The following RIC3 variants were observed in gnomAD, a reference collection of about 807,000 sequenced individuals.
The protein encoded by RIC3 is protein RIC-3.
RIC3 carries 28 observed loss-of-function variants against 27.3 expected under a neutral mutation model. The ratio of observed to expected loss-of-function variants is 1.02; its 90% confidence interval spans 0.76 to 1.41. The LOEUF (loss-of-function observed/expected upper bound fraction) is 1.41. Among genes scored for constraint, RIC3 ranks in the 40% most tolerant of loss-of-function variants. The pLI is 0.00. For missense variants in RIC3, 501 were observed against 444.7 expected (o/e 1.13, Z -1.14); for synonymous variants, 184 against 160.4 (o/e 1.15, Z -1.11).
chr11:8,160,810 G>T (rs1322623653), intron 1 of RIC3, among the ~76,000 whole-genome samples: 3 of 152,230 alleles, frequency 2.0e-5, no homozygotes, highest in Admixed American at 6.5e-5. Flanking sequence ...TTGCACCTAG[G>T]TCATACCAGG....
Position 8,110,589 on chromosome 11 carries a change from G to A in RIC3, c.*109C>T, listed in dbSNP as rs1275655677. ...TCCATGATAGTGGCCTGATAGCTAT[G>A]ACACTTGAACACAGTGAAGAAAGTG... On this transcript the variant is annotated 3_prime_UTR_variant, in exon 6 of 6. Transcript: ENST00000309737. 2.1e-6 allele frequency: 2 copies of A among 959,024 alleles called. No homozygotes were observed. The highest frequency in any genetic ancestry group is 1.6e-5 in the African/African-American group (1 of 62,626). The allele number at this position is 959,024 out of a possible 1,614,324, so 59.4% of individuals were successfully genotyped here.
downstream of RIC3, among the ~76,000 whole-genome samples, chr11:8,101,304 T>C (rs1386777517): frequency 6.6e-6 from 1 of 151,954 alleles, no homozygotes; most frequent in African/African-American, 2.4e-5. Context: ...CTTTGCCATC[T>C]GCCACCTCTT....
chr11:8,133,036 G>A (rs1947923939), intron 4 of RIC3, among the ~76,000 whole-genome samples: 1 of 152,104 alleles, frequency 6.6e-6, no homozygotes, highest in South Asian at 2.1e-4. Context: ...TTAAGAGGTG[G>A]CACCTTTATG....
chr11:8,107,171 T>A lies in RIC3; in HGVS notation c.*3527A>T, dbSNP rs1590033231. On this transcript the variant is annotated 3_prime_UTR_variant, in exon 6 of 6. Coordinates refer to ENST00000309737, the MANE Select transcript of RIC3 (RefSeq NM_001206671.4). ...TCAATGGTCAAGGCAAAGTCATAAA[T>A]GTGTTCATGTTTTTTCTCAATATTG... The A allele has an allele frequency of 6.6e-6, 1 of 152,216 alleles. No homozygotes were observed. Among genetic ancestry groups the A allele is most frequent in the Non-Finnish European group, 1.5e-5 (1 of 68,034 alleles). The allele number at this position is 152,216 out of a possible 1,614,324, so 9.4% of individuals were successfully genotyped here.
At chr11:8,097,951 C>T in the RIC3 span, 47 of 715,978 alleles carry the variant, frequency 6.6e-5, no homozygotes, top group East Asian at 1.2e-3. Flanking sequence ...CCAGGATCCT[C>T]TCTGATAATC....
rs1944678928 is a variant in RIC3 at position 8,106,534 on chromosome 11, G to C, written c.*4164C>G. 1 of 152,312 alleles carries C rather than the reference G, an allele frequency of 6.6e-6. No individual in the cohort carries two copies. Among genetic ancestry groups the C allele is most frequent in the East Asian group, 1.9e-4 (1 of 5,202 alleles). The allele number at this position is 152,312 out of a possible 1,614,324, so 9.4% of individuals were successfully genotyped here. A position where few individuals can be genotyped will look rare whatever the true frequency, so the allele number is the denominator to read the frequency against. ...CAGGGTCTGCTGTGCCGCCTGAAGG[G>C]GCTGGTGGTTCCTCAGTATCCCCTG... On this transcript the variant is annotated 3_prime_UTR_variant, in exon 6 of 6. Transcript: ENST00000309737.
chr11:8,150,048 A>C (rs1000767589), intron 1 of RIC3, among the ~76,000 whole-genome samples: 2 of 152,180 alleles, frequency 1.3e-5, no homozygotes, highest in Non-Finnish European at 2.9e-5. Context: ...TGTGTGTATA[A>C]GACCCATGAA....
chr11:8,095,774 T>G, the RIC3 span: 2 of 1,235,532 alleles, frequency 1.6e-6, no homozygotes, highest in Non-Finnish European at 2.2e-6. Context: ...TCCCTGGCAA[T>G]GGTGGGTGAG....
the RIC3 span, chr11:8,094,185 C>T: frequency 6.2e-7 from 1 of 1,611,502 alleles, no homozygotes; most frequent in Non-Finnish European, 8.5e-7. Context: ...AGGGAAAGCA[C>T]AAAGGTCAGC....
intron 1 of RIC3, among the ~76,000 whole-genome samples, chr11:8,140,642 A>C (rs903654512): frequency 7.9e-5 from 12 of 152,162 alleles, no homozygotes; most frequent in Non-Finnish European, 1.6e-4. Flanking sequence ...CTGATTCCTA[A>C]ATAATTATGT....
chr11:8,125,721 T>G (rs530987262), intron 5 of RIC3, among the ~76,000 whole-genome samples: 1 of 152,300 alleles, frequency 6.6e-6, no homozygotes, highest in South Asian at 2.1e-4. Context: ...GAAAGCAGGT[T>G]GACAGTTTCT....
chr11:8,126,212 G>C (rs1430141149), intron 5 of RIC3, among the ~76,000 whole-genome samples: 4 of 152,076 alleles, frequency 2.6e-5, no homozygotes, highest in African/African-American at 9.7e-5. Context: ...TCCTCAACTG[G>C]TGAATGGACA....
At chr11:8,148,798 A>G (rs1949962276) in intron 1 of RIC3, among the ~76,000 whole-genome samples, 1 of 152,130 alleles carries the variant, frequency 6.6e-6, no homozygotes, top group South Asian at 2.1e-4. Context: ...AAATAACAGC[A>G]GCAGCAGCAG....
At chr11:8,111,288 T>TTTTACTTGAGCAAATTCTTAGCA in intron 5 of RIC3, 151 bp from the exon 6 acceptor site, 1 of 638,948 alleles carries the variant, frequency 1.6e-6, no homozygotes, top group East Asian at 2.7e-5. Context: ...AGTTCTAAAG[T>TTTTACTTGAGCAAATTCTTAGCA]TTTACTTGAG....
At position 8,164,384 on chromosome 11, in the gene RIC3, C is replaced by T. The variant is rs1259190785; in HGVS notation, c.124+4482G>A. On this transcript the variant is annotated intron_variant, in intron 1 of 5. Transcript: ENST00000309737. ...CTTATTCAAAGGGCACCATCAAGAACGTGAAGGCAACCACTGAATGGAAGA... is the reference window on the plus strand; with the variant it reads ...CTTATTCAAAGGGCACCATCAAGAATGTGAAGGCAACCACTGAATGGAAGA... 2.6e-5 allele frequency among the ~76,000 whole-genome samples: 4 copies of T among 152,074 alleles called. No homozygotes were observed. In the South Asian group the frequency reaches 6.2e-4, roughly 24 times the overall value.
At chr11:8,130,761 T>G (rs1319892033) in intron 4 of RIC3, among the ~76,000 whole-genome samples, 1 of 106,890 alleles carries the variant, frequency 9.4e-6, no homozygotes, top group African/African-American at 6.6e-5. Context: ...AATAAGTGTG[T>G]GTTGTGGGGG....
chr11:8,152,256 G>A (rs1950307148), intron 1 of RIC3, among the ~76,000 whole-genome samples: 1 of 152,162 alleles, frequency 6.6e-6, no homozygotes, highest in South Asian at 2.1e-4. Flanking sequence ...TATACAGCCA[G>A]GAATATGCTC....
intron 1 of RIC3, among the ~76,000 whole-genome samples, chr11:8,155,001 T>C (rs1950548525): frequency 6.6e-6 from 1 of 152,116 alleles, no homozygotes; most frequent in African/African-American, 2.4e-5. Flanking sequence ...GGAAAACTGC[T>C]TGAGCCCAGG....
chr11:8,125,534 TTCA>T (rs1292841897), intron 5 of RIC3, among the ~76,000 whole-genome samples: 1 of 152,114 alleles, frequency 6.6e-6, no homozygotes, highest in Non-Finnish European at 1.5e-5. Flanking sequence ...TGAAAAAATG[TTCA>T]TCATCATTAG....
Sources: allele counts gnomAD v4.1 joint callset (sites outside exome capture counted in the v4.1 genomes callset), GRCh38; gene constraint gnomAD v4.1.1; transcripts MANE v1.5; gene names NCBI Gene and HGNC (gene_info 2026-07-23, HGNC 2026-07-21).